The following CHD2 variants were observed in gnomAD, a reference collection of about 807,000 sequenced individuals.
CHD2 encodes the protein ATP-dependent chromatin remodeler CHD2.
CHD2 carries 28 observed loss-of-function variants against 243.9 expected under a neutral mutation model. The ratio of observed to expected loss-of-function variants is 0.11; its 90% CI spans 0.09 to 0.16. The LOEUF (loss-of-function observed/expected upper bound fraction) is 0.16, where lower values mean the gene tolerates loss of function less well. Among genes scored for constraint, CHD2 ranks in the 10% least tolerant of loss-of-function variants. The pLI, the probability that CHD2 is intolerant of heterozygous loss-of-function variation, is 1.00. For synonymous variants in CHD2, 775 were observed against 779.0 expected (o/e 0.99, Z 0.09); for missense variants, 1,386 against 2,209.8 (o/e 0.63, Z 7.47).
At chr15:92,948,022 T>C (rs1019464666) in intron 12 of CHD2, among the ~76,000 whole-genome samples, 2 of 152,194 alleles carry the variant, frequency 1.3e-5, no homozygotes, top group Non-Finnish European at 2.9e-5. Flanking sequence ...TGAAAAGTCA[T>C]GAGTAAAGAA....
At chr15:92,922,234 C>T (rs1169485749) in intron 2 of CHD2, among the ~76,000 whole-genome samples, 1 of 152,126 alleles carries the variant, frequency 6.6e-6, no homozygotes, top group Non-Finnish European at 1.5e-5. Flanking sequence ...CTAGTTTTGT[C>T]CATTGGCCAA....
intron 36 of CHD2, among the ~76,000 whole-genome samples, chr15:93,012,682 C>G (rs1405482734): frequency 6.6e-6 from 1 of 152,174 alleles, no homozygotes; most frequent in East Asian, 1.9e-4. Flanking sequence ...ATTTGTTCAC[C>G]AGGTTTTTTC....
rs1202681141 is a variant in CHD2, at chr15:93,026,241, G to C, written c.*1536G>C. ...GTGTGCCTGTAAGTGTCCAGGCTCA[G>C]AGCTGGTGAAAACCCTTCTGTTGGG... On this transcript the variant is annotated 3_prime_UTR_variant, in exon 39 of 39. Coordinates refer to ENST00000394196, the MANE Select transcript of CHD2 (RefSeq NM_001271.4). 2.0e-5 allele frequency: 3 copies of C among 152,670 alleles called. No homozygotes were observed. Among genetic ancestry groups the C allele is most frequent in the Non-Finnish European group, 2.9e-5 (2 of 68,052 alleles). 9.5% of individuals were successfully genotyped at this position (152,670 alleles called of 1,614,324 possible). A position where few individuals can be genotyped will look rare whatever the true frequency, so the allele number is the denominator to read the frequency against.
intron 26 of CHD2, among the ~76,000 whole-genome samples, chr15:92,990,391 A>G (rs900830612): frequency 6.6e-5 from 10 of 152,208 alleles, no homozygotes; most frequent in African/African-American, 2.4e-4. Flanking sequence ...AGATGGCTGC[A>G]CGCATTTGGT....
chr15:92,977,038 G>A (rs1048130575), intron 20 of CHD2, among the ~76,000 whole-genome samples: 3 of 151,840 alleles, frequency 2.0e-5, no homozygotes, highest in East Asian at 1.9e-4. Flanking sequence ...AGATGCAGAC[G>A]ACATATTATA....
intron 5 of CHD2, among the ~76,000 whole-genome samples, chr15:92,932,235 C>T (rs1237286281): frequency 6.6e-6 from 1 of 151,418 alleles, no homozygotes; most frequent in African/African-American, 2.4e-5. Context: ...AATATTTTTC[C>T]ATCTCTACTA....
At chr15:92,957,766 G>C (rs1387055695) in intron 16 of CHD2, among the ~76,000 whole-genome samples, 1 of 151,398 alleles carries the variant, frequency 6.6e-6, no homozygotes, top group Non-Finnish European at 1.5e-5. Flanking sequence ...TCATTGTCCA[G>C]TTTTGGAACA....
chr15:92,977,957 A>G (rs952862719), intron 20 of CHD2, among the ~76,000 whole-genome samples: 1 of 152,138 alleles, frequency 6.6e-6, no homozygotes, highest in Non-Finnish European at 1.5e-5. Context: ...CTTCTTGTAT[A>G]TTAGTTGTAG....
chr15:92,905,727 C>G (rs1231350765), intron 2 of CHD2, among the ~76,000 whole-genome samples: 1 of 152,192 alleles, frequency 6.6e-6, no homozygotes, highest in Non-Finnish European at 1.5e-5. Context: ...TTTTCTGTTA[C>G]AGAGAAGTGT....
chr15:92,919,511 G>A (rs1471509697), intron 2 of CHD2, among the ~76,000 whole-genome samples: 4 of 151,878 alleles, frequency 2.6e-5, no homozygotes. Flanking sequence ...TTCTGCCTCA[G>A]CCTCCCGAGT....
intron 36 of CHD2, among the ~76,000 whole-genome samples, chr15:93,013,928 C>CAAAAAAA (rs35774813): frequency 3.1e-5 from 2 of 64,154 alleles, no homozygotes; most frequent in African/African-American, 7.0e-5. Flanking sequence ...GACTCTGTCT[C>CAAAAAAA]AAAAAAAAAA....
chr15:92,912,385 C>T (rs952727161), intron 2 of CHD2, among the ~76,000 whole-genome samples: 31 of 152,310 alleles, frequency 2.0e-4, no homozygotes, highest in African/African-American at 7.2e-4. Flanking sequence ...GAGGCGGAGT[C>T]TCGCTCTGTC....
rs115644280 is a variant in CHD2 at position 92,986,785 on chromosome 15, A to G, written c.3413+1112A>G. ...CTTGCACAGGCTGGAGTATGATCCT[A>G]TCTCACTGTAACCTCACACTCCTGG... On this transcript the variant is annotated intron_variant, in intron 26 of 38. Coordinates refer to ENST00000394196, the MANE Select transcript of CHD2 (RefSeq NM_001271.4). Among the ~76,000 whole-genome samples, 568 of 152,272 alleles carry G rather than the reference A, an allele frequency of 3.7e-3. 2 individuals carry two copies. The highest frequency in any genetic ancestry group is 0.013 in the African/African-American group (526 of 41,542).
chr15:92,905,416 T>C (rs2052602237), intron 2 of CHD2, among the ~76,000 whole-genome samples: 1 of 152,256 alleles, frequency 6.6e-6, no homozygotes, highest in Non-Finnish European at 1.5e-5. Flanking sequence ...AAGCAAGAAA[T>C]TCAGTGGATT....
chr15:92,947,775 T>C (rs1173971091), intron 12 of CHD2, among the ~76,000 whole-genome samples: 1 of 151,884 alleles, frequency 6.6e-6, no homozygotes, highest in Non-Finnish European at 1.5e-5. Flanking sequence ...GGTTTTGGAG[T>C]TGAGAGTAAG....
At chr15:93,013,264 A>G (rs1323249926) in intron 36 of CHD2, among the ~76,000 whole-genome samples, 1 of 151,798 alleles carries the variant, frequency 6.6e-6, no homozygotes, top group Non-Finnish European at 1.5e-5. Flanking sequence ...CAGGAATCAT[A>G]TACTAATAAG....
At position 92,997,513 on chromosome 15, in the gene CHD2, T is replaced by A; in HGVS notation, c.3885+110T>A. 1 of 965,656 alleles carries A rather than the reference T, an allele frequency of 1.0e-6. No homozygotes were observed. The highest frequency in any genetic ancestry group is 1.5e-6 in the Non-Finnish European group (1 of 687,368). The allele number at this position is 965,656 out of a possible 1,614,324, so 59.8% of individuals were successfully genotyped here. A position where few individuals can be genotyped will look rare whatever the true frequency, so the allele number is the denominator to read the frequency against. On this transcript the variant is annotated intron_variant, in intron 30 of 38. Transcript: ENST00000394196. The surrounding 1 kb of genome is among the most constrained non-coding windows in gnomAD (Gnocchi z 4.1). ...GAGGGGGCATCAAATTAGAAATTAG[T>A]ATAGTCATTCTTGGAAATACTTCCA...
At chr15:92,913,480 GC>G (rs1057022299) in intron 2 of CHD2, among the ~76,000 whole-genome samples, 2 of 152,120 alleles carry the variant, frequency 1.3e-5, no homozygotes, top group Non-Finnish European at 2.9e-5. Context: ...GTGGGTAGAG[GC>G]CAGAGATGCT....
At chr15:92,939,166 T>G (rs2053317004) in intron 6 of CHD2, among the ~76,000 whole-genome samples, 1 of 152,232 alleles carries the variant, frequency 6.6e-6, no homozygotes, top group South Asian at 2.1e-4. Context: ...TATGCCTGTT[T>G]AGGTGTATAT....
Sources: gnomAD v4.1 joint callset for allele counts (sites outside exome capture counted in the v4.1 genomes callset) on GRCh38, gnomAD v4.1.1 for gene constraint, Gnocchi (gnomAD v3.1) non-coding constraint, MANE v1.5 for transcripts, NCBI Gene and HGNC (gene_info 2026-07-23, HGNC 2026-07-21) for gene names.